The following NKAIN1 variants were observed in gnomAD, a reference collection of about 807,000 sequenced individuals.
NKAIN1 encodes the protein sodium/potassium-transporting ATPase subunit beta-1-interacting protein 1.
NKAIN1 carries 13 observed loss-of-function variants against 31.6 expected under a neutral mutation model. That is an observed-to-expected ratio of 0.41 (90% CI 0.27 to 0.65). NKAIN1 has a LOEUF of 0.65. Ranked by LOEUF, NKAIN1 falls within the 30% of genes least tolerant of loss-of-function variation. The pLI, the probability that NKAIN1 is intolerant of heterozygous loss-of-function variation, is 0.30. For synonymous variants in NKAIN1, 104 were observed against 109.0 expected (o/e 0.95, Z 0.28); for missense variants, 193 against 262.2 (o/e 0.74, Z 1.82).
chr1:31,234,318 C>T (rs914116894), intron 1 of NKAIN1, among the ~76,000 whole-genome samples: 4 of 152,170 alleles, frequency 2.6e-5, no homozygotes, highest in African/African-American at 9.7e-5. Context: ...GCAGCTGCTC[C>T]AGAGTGCAGG....
At chr1:31,182,016 A>G in intron 5 of NKAIN1, 75 bp from the exon 6 acceptor site, 1 of 1,423,948 alleles carries the variant, frequency 7.0e-7, no homozygotes, top group East Asian at 2.5e-5. Context: ...CTGAAGGGGA[A>G]GAATCTGAGG....
chr1:31,232,469 A>AGAGAGAGAGAGAGT (rs1645661676), intron 1 of NKAIN1, among the ~76,000 whole-genome samples: 1 of 122,024 alleles, frequency 8.2e-6, no homozygotes, highest in Non-Finnish European at 1.7e-5. Context: ...AGAGAGAGAG[A>AGAGAGAGAGAGAGT]GAGTGGGGGA....
At chr1:31,229,332 G>A (rs1189033445) in intron 1 of NKAIN1, among the ~76,000 whole-genome samples, 8 of 152,130 alleles carry the variant, frequency 5.3e-5, no homozygotes, top group African/African-American at 1.7e-4. Context: ...TCCCAGCTCT[G>A]AATCTCTGTA....
chr1:31,200,872 C>T (rs980360993), intron 1 of NKAIN1, among the ~76,000 whole-genome samples: 2 of 151,064 alleles, frequency 1.3e-5, no homozygotes, highest in African/African-American at 2.4e-5. Context: ...CTCGCTCTGT[C>T]GCCCAGGCTG....
intron 3 of NKAIN1, 156 bp downstream of exon 3, chr1:31,185,091 G>A (rs374684194): frequency 9.4e-6 from 6 of 637,122 alleles, no homozygotes; most frequent in African/African-American, 3.6e-5. Flanking sequence ...AATAAATTGT[G>A]TAAGTAGGAA....
At position 31,209,482 on chromosome 1, in the gene NKAIN1, C is replaced by T. The variant is rs938018613; in HGVS notation, c.55-21295G>A. On this transcript the variant is annotated intron_variant, in intron 1 of 6. Coordinates refer to ENST00000373736, the MANE Select transcript of NKAIN1 (RefSeq NM_024522.3). Reference sequence around the variant, plus strand: ...ACAGCAGATTCCACCTCCAGGGAGTCTCCTGCAAAAAGGGAGTCTCCTGGA... The same window carrying T: ...ACAGCAGATTCCACCTCCAGGGAGTTTCCTGCAAAAAGGGAGTCTCCTGGA... Among the ~76,000 whole-genome samples the T allele has an allele frequency of 5.9e-5, 9 of 152,030 alleles. No individual in the cohort carries two copies. In the South Asian group the frequency reaches 1.9e-3, roughly 32 times the overall value.
At chr1:31,210,993 G>A (rs1645464392) in intron 1 of NKAIN1, among the ~76,000 whole-genome samples, 1 of 152,198 alleles carries the variant, frequency 6.6e-6, no homozygotes, top group African/African-American at 2.4e-5. Flanking sequence ...AATAGAAAGA[G>A]AAGGGAACTT....
intron 1 of NKAIN1, among the ~76,000 whole-genome samples, chr1:31,237,962 C>T (rs1046720634): frequency 5.3e-5 from 8 of 152,320 alleles, no homozygotes; most frequent in African/African-American, 1.9e-4. Context: ...CTTGGCATTT[C>T]ATGTTCCTCA....
At chr1:31,225,325 C>CTTTTTTTTTTT (rs139451212) in intron 1 of NKAIN1, among the ~76,000 whole-genome samples, 2 of 52,154 alleles carry the variant, frequency 3.8e-5, no homozygotes, top group Non-Finnish European at 6.9e-5. Flanking sequence ...CATGCCCGGC[C>CTTTTTTTTTTT]TTTTTTTTTT....
chr1:31,187,988 G>A, intron 2 of NKAIN1, 62 bp downstream of exon 2: 1 of 1,504,226 alleles, frequency 6.6e-7, no homozygotes, highest in East Asian at 2.5e-5. Flanking sequence ...GGAGCAGGGA[G>A]GGGTGGAGTG....
intron 1 of NKAIN1, among the ~76,000 whole-genome samples, chr1:31,192,675 C>T (rs1189110850): frequency 2.0e-5 from 3 of 151,998 alleles, no homozygotes; most frequent in East Asian, 1.9e-4. Flanking sequence ...CTCAGCCTCC[C>T]GAGTAGCTGG....
intron 4 of NKAIN1, among the ~76,000 whole-genome samples, chr1:31,183,468 T>A (rs1170166096): frequency 1.1e-4 from 14 of 129,110 alleles, no homozygotes; most frequent in Non-Finnish European, 1.5e-4. Flanking sequence ...TTTTTTTTTT[T>A]ATGGAGTTTC....
chr1:31,189,718 G>A (rs1367447471), intron 1 of NKAIN1, among the ~76,000 whole-genome samples: 1 of 152,200 alleles, frequency 6.6e-6, no homozygotes, highest in Admixed American at 6.5e-5. Flanking sequence ...GCCAAGTCTA[G>A]CCAAATAATC....
chr1:31,202,943 C>G, intron 1 of NKAIN1, among the ~76,000 whole-genome samples: 1 of 145,556 alleles, frequency 6.9e-6, no homozygotes, highest in East Asian at 2.0e-4. Flanking sequence ...CACCACTGCA[C>G]TCTAGCCTGG....
intron 1 of NKAIN1, among the ~76,000 whole-genome samples, chr1:31,220,437 C>T (rs1645555188): frequency 6.6e-6 from 1 of 152,044 alleles, no homozygotes; most frequent in African/African-American, 2.4e-5. Context: ...ACTACCGTAT[C>T]CCCAGCACCT....
chr1:31,215,553 T>C (rs1645504930), intron 1 of NKAIN1, among the ~76,000 whole-genome samples: 1 of 152,180 alleles, frequency 6.6e-6, no homozygotes, highest in African/African-American at 2.4e-5. Flanking sequence ...CTCATTCCTA[T>C]GCTGAAGCTC....
rs115739353 is a variant in NKAIN1 at position 31,208,382 on chromosome 1, G to A, written c.55-20195C>T. Among the ~76,000 whole-genome samples, 868 of 152,172 alleles carry A rather than the reference G, an allele frequency of 5.7e-3. 11 individuals are homozygous for A. The highest frequency in any genetic ancestry group is 0.02 in the African/African-American group (832 of 41,542). On this transcript the variant is annotated intron_variant, in intron 1 of 6. Coordinates refer to ENST00000373736, the MANE Select transcript of NKAIN1 (RefSeq NM_024522.3). ...GAAACTTGTGTTCTGTTGGAGATCCGCCTCTGCTGCAGCTTTCTCATTCCC... is the reference window on the plus strand; with the variant it reads ...GAAACTTGTGTTCTGTTGGAGATCCACCTCTGCTGCAGCTTTCTCATTCCC...
intron 1 of NKAIN1, among the ~76,000 whole-genome samples, chr1:31,191,591 C>T (rs987037074): frequency 6.6e-6 from 1 of 152,004 alleles, no homozygotes; most frequent in Admixed American, 6.6e-5. Context: ...ATCACATAAA[C>T]TAACAGACAA....
At chr1:31,204,923 T>C (rs377217119) in intron 1 of NKAIN1, among the ~76,000 whole-genome samples, 9 of 152,224 alleles carry the variant, frequency 5.9e-5, no homozygotes, top group African/African-American at 2.2e-4. Context: ...CCGGTAATTA[T>C]CAGCTCAGGC....
Sources: allele counts gnomAD v4.1 joint callset (sites outside exome capture counted in the v4.1 genomes callset), GRCh38; gene constraint gnomAD v4.1.1; transcripts MANE v1.5; gene names NCBI Gene and HGNC (gene_info 2026-07-23, HGNC 2026-07-21).